Variants in FAM210B observed in about 807,000 individuals in gnomAD.
The protein encoded by FAM210B is mitochondrial inner membrane scaffold 2.
A neutral mutation model predicts 14.9 loss-of-function variants in FAM210B; 11 were observed. That is an observed-to-expected ratio of 0.74 (90% confidence interval 0.46 to 1.22). The LOEUF is 1.22. Ranked by LOEUF, FAM210B falls within the 50% of genes most tolerant of loss-of-function variation. FAM210B has a pLI of 0.00. For synonymous variants in FAM210B, 113 were observed against 110.2 expected (o/e 1.03, Z -0.16); for missense variants, 229 against 250.1 (o/e 0.92, Z 0.57).
rs1175417338 is a variant in FAM210B at position 56,359,093 on chromosome 20, G to A, written c.88G>A (p.Ala30Thr). 34 of 1,336,982 alleles carry A rather than the reference G, an allele frequency of 2.5e-5. No homozygotes were observed. Among genetic ancestry groups the A allele is most frequent in the Non-Finnish European group, 3.1e-5 (32 of 1,042,438 alleles). 82.8% of individuals were successfully genotyped at this position (1,336,982 alleles called of 1,614,324 possible). The change falls in exon 1 of 3, where the codon GCC becomes ACC. Residue 30 changes from alanine (A) to threonine (T), a missense_variant. Around this residue, in one of 3 missense-constraint regions of FAM210B, gnomAD observed 144 missense variants for 132.5 expected, o/e 1.09. Transcript: ENST00000371384. This position sits in a 1 kb window ranked among gnomAD's most constrained non-coding sequence, Gnocchi z 4.3. ...PRATWLLGAT[A>T]PCAPPPLALA... ...CGCCACCTGGCTCCTGGGCGCCACCGCCCCCTGCGCCCCGCCGCCCCTGGC... is the reference window on the plus strand; with the variant it reads ...CGCCACCTGGCTCCTGGGCGCCACCACCCCCTGCGCCCCGCCGCCCCTGGC...
rs1395455721 is a variant in FAM210B at position 56,359,169 on chromosome 20, G to T, written c.164G>T (p.Arg55Leu). The T allele has an allele frequency of 1.9e-5, 23 of 1,238,164 alleles. No homozygotes were observed. The East Asian group carries it at 7.3e-4, about 40-fold the overall frequency. The allele number at this position is 1,238,164 out of a possible 1,614,324, so 76.7% of individuals were successfully genotyped here. ...GACGCCCGGCTGCTCCGCACGGCGC[G>T]CGGGGACTGCCGCGGCCACCAGGTA... is the stretch of plus-strand genomic sequence containing the variant. ...RLDARLLRTA[R>L]GDCRGHQDPS... is the part of the protein sequence containing the mutation. Residue 55 changes from arginine (R) to leucine (L), a missense_variant, in exon 1 of 3, where the codon CGC becomes CTC. Arg to Leu is a moderately radical substitution (Grantham distance 102, BLOSUM62 -2). This residue lies in a region of FAM210B where 144 missense variants were observed against 132.5 expected (regional missense o/e 1.09). Coordinates refer to ENST00000371384, the MANE Select transcript of FAM210B (RefSeq NM_080821.3). The surrounding 1 kb of genome is among the most constrained non-coding windows in gnomAD (Gnocchi z 4.3).
At chr20:56,360,035 G>A (rs1983500385) in intron 1 of FAM210B, 15 of 353,902 alleles carry the variant, frequency 4.2e-5, no homozygotes, top group South Asian at 3.1e-4. Context: ...AACTCCATGA[G>A]CTGGTGCAGG....
In FAM210B at chr20:56,365,989, TAC is replaced by T; in HGVS notation, c.363-81_363-80del. The T allele has an allele frequency of 2.2e-6, 2 of 908,112 alleles. 1 individual carries two copies. Among genetic ancestry groups the T allele is most frequent in the Non-Finnish European group, 3.2e-6 (2 of 633,322 alleles). The allele number at this position is 908,112 out of a possible 1,614,324, so 56.3% of individuals were successfully genotyped here. On this transcript the variant is annotated intron_variant, in intron 2 of 2. Coordinates refer to ENST00000371384, the MANE Select transcript of FAM210B (RefSeq NM_080821.3). Reference sequence around the variant, plus strand: ...AGCTACTTCATTACATTTTTTAAAATACTGTAAATCTTATAGCCAAATCAATT... The same window carrying T: ...AGCTACTTCATTACATTTTTTAAAATTGTAAATCTTATAGCCAAATCAATT...
At position 56,366,212 on chromosome 20, in the gene FAM210B, G is replaced by A. The variant is rs6099116; in HGVS notation, c.504G>A (p.Thr168=). ...KLFAPVRISI[T]LVSVPLIVRY... is the part of the protein sequence containing the mutation. ...TTGCGCCAGTGAGAATCAGCATTAC[G>A]CTAGTCTCTGTGCCCTTGATTGTCA... Residue 168 remains threonine (T), a synonymous_variant, in exon 3 of 3, where the codon ACG becomes ACA. Transcript: ENST00000371384. 0.024 allele frequency: 39,248 copies of A among 1,613,986 alleles called. 4,545 individuals carry two copies. In the African/African-American group the frequency reaches 0.34, roughly 14 times the overall value.
At position 56,366,393 on chromosome 20, in the gene FAM210B, G is replaced by A. The variant is rs963772243; in HGVS notation, c.*106G>A. The A allele has an allele frequency of 1.1e-5, 11 of 1,023,792 alleles. No individual in the cohort carries two copies. Among genetic ancestry groups the A allele is most frequent in the Non-Finnish European group, 1.6e-5 (11 of 692,104 alleles). The allele number at this position is 1,023,792 out of a possible 1,614,324, so 63.4% of individuals were successfully genotyped here. A position where few individuals can be genotyped will look rare whatever the true frequency, so the allele number is the denominator to read the frequency against. On this transcript the variant is annotated 3_prime_UTR_variant, in exon 3 of 3. Transcript: ENST00000371384. ...TAGGGTTTCTTTTGGAGAGGTAGGG[G>A]GCTAATTGCTATGTTCTCATGGATA... is the stretch of plus-strand genomic sequence containing the variant.
Position 56,366,456 on chromosome 20 carries a change from A to G in FAM210B, c.*169A>G, listed in dbSNP as rs1351635773. ...AAAAATCAGGCTTTTGAACAATTTT[A>G]ATTTTTTGCCTCATAAATTTTGTGA... is the stretch of plus-strand genomic sequence containing the variant. On this transcript the variant is annotated 3_prime_UTR_variant, in exon 3 of 3. Coordinates refer to ENST00000371384, the MANE Select transcript of FAM210B (RefSeq NM_080821.3). 5 of 645,524 alleles carry G rather than the reference A, an allele frequency of 7.7e-6. No individual in the cohort carries two copies. In the African/African-American group the frequency reaches 9.2e-5, roughly 12 times the overall value. The allele number at this position is 645,524 out of a possible 1,614,324, so 40.0% of individuals were successfully genotyped here.
intron 1 of FAM210B, among the ~76,000 whole-genome samples, chr20:56,361,112 G>A (rs759920526): frequency 3.3e-5 from 5 of 152,114 alleles, no homozygotes; most frequent in Non-Finnish European, 7.4e-5. Flanking sequence ...TAGCAGCCCC[G>A]CCTGCCTGTG....
At chr20:56,360,256 A>T (rs1431321160) in intron 1 of FAM210B, 1 of 469,984 alleles carries the variant, frequency 2.1e-6, no homozygotes, top group Non-Finnish European at 4.4e-6. Flanking sequence ...CCGCCTCCTG[A>T]TGATTCTTCA....
At position 56,359,242 on chromosome 20, in the gene FAM210B, C is replaced by T; in HGVS notation, c.186+51C>T. On this transcript the variant is annotated intron_variant, in intron 1 of 2. Transcript: ENST00000371384. The surrounding 1 kb of genome is among the most constrained non-coding windows in gnomAD (Gnocchi z 4.3). ...CCCGGGCGGTGTCCAGGTCCCCAGA[C>T]GTCCGCAGGGCCGCGCCGGGGTCCG... 1 of 1,216,672 alleles carries T rather than the reference C, an allele frequency of 8.2e-7. No individual in the cohort carries two copies. Among genetic ancestry groups the T allele is most frequent in the Non-Finnish European group, 1.0e-6 (1 of 978,744 alleles). 75.4% of individuals were successfully genotyped at this position (1,216,672 alleles called of 1,614,324 possible).
Position 56,359,487 on chromosome 20 carries a change from A to G in FAM210B, c.186+296A>G, listed in dbSNP as rs1047980515. ...CCTCAGCCAGGCTGGGGCGCAGCCGACTGACTTGGTCTGAACTTCCACACG... is the reference window on the plus strand; with the variant it reads ...CCTCAGCCAGGCTGGGGCGCAGCCGGCTGACTTGGTCTGAACTTCCACACG... On this transcript the variant is annotated intron_variant, in intron 1 of 2. Transcript: ENST00000371384. The surrounding 1 kb of genome is among the most constrained non-coding windows in gnomAD (Gnocchi z 4.3). 2.6e-5 allele frequency among the ~76,000 whole-genome samples: 4 copies of G among 152,200 alleles called. No homozygotes were observed. Among genetic ancestry groups the G allele is most frequent in the Non-Finnish European group, 2.9e-5 (2 of 68,038 alleles).
Position 56,366,158 on chromosome 20 carries a change from C to T in FAM210B, c.450C>T (p.Phe150=), listed in dbSNP as rs143264346. ...AAATGGCAGCAGGCACAAGTACCTT[C>T]GTGGTGGCCTATGCAATCCACAAGC... is the stretch of plus-strand genomic sequence containing the variant. The part of the protein sequence containing the change: ...QSKMAAGTST[F]VVAYAIHKLF... The change falls in exon 3 of 3, where the codon TTC becomes TTT. Residue 150 remains phenylalanine (F), a synonymous_variant. Transcript: ENST00000371384. 1.5e-5 allele frequency: 25 copies of T among 1,614,174 alleles called. No homozygotes were observed. The African/African-American group carries it at 2.8e-4, about 18-fold the overall frequency.
At position 56,366,986 on chromosome 20, in the gene FAM210B, C is replaced by T. The variant is rs1983649784; in HGVS notation, c.*699C>T. The stretch of plus-strand genomic sequence containing the variant: ...GTTTAGGTAAAATATAAAAACCCTG[C>T]CCAGTAGCAGTGGCATCGCTTGGTT... On this transcript the variant is annotated 3_prime_UTR_variant, in exon 3 of 3. Coordinates refer to ENST00000371384, the MANE Select transcript of FAM210B (RefSeq NM_080821.3). 3.9e-5 allele frequency: 6 copies of T among 152,376 alleles called. No individual in the cohort carries two copies. Among genetic ancestry groups the T allele is most frequent in the Admixed American group, 3.9e-4 (6 of 15,276 alleles). 9.4% of individuals were successfully genotyped at this position (152,376 alleles called of 1,614,324 possible). A position where few individuals can be genotyped will look rare whatever the true frequency, so the allele number is the denominator to read the frequency against.
chr20:56,366,165 G>T lies in FAM210B; in HGVS notation c.457G>T (p.Ala153Ser). Residue 153 changes from alanine to serine, a missense_variant, in exon 3 of 3, where the codon GCC becomes TCC. This residue lies in a region of FAM210B where 53 missense variants were observed against 55.4 expected (regional missense o/e 0.96). Transcript: ENST00000371384. ...MAAGTSTFVV[A>S]YAIHKLFAPV... is the part of the protein sequence containing the mutation. ...AGCAGGCACAAGTACCTTCGTGGTG[G>T]CCTATGCAATCCACAAGCTGTTTGC... 1 of 1,614,164 alleles carries T rather than the reference G, an allele frequency of 6.2e-7. No homozygotes were observed. The highest frequency in any genetic ancestry group is 8.5e-7 in the Non-Finnish European group (1 of 1,180,026).
In FAM210B at chr20:56,363,993, G is replaced by A. The variant is rs1451053178; in HGVS notation, c.187-1094G>A. On this transcript the variant is annotated intron_variant, in intron 1 of 2. Coordinates refer to ENST00000371384, the MANE Select transcript of FAM210B (RefSeq NM_080821.3). The surrounding 1 kb of genome is among the most constrained non-coding windows in gnomAD (Gnocchi z 4.1). ...CCTGTGTTGCTCCTTTGCAAAGTGG[G>A]AAAAGCAGTAGTATCTACCTCTGAA... Among the ~76,000 whole-genome samples, 6 of 152,168 alleles carry A rather than the reference G, an allele frequency of 3.9e-5. No homozygotes were observed. The highest frequency in any genetic ancestry group is 4.8e-5 in the African/African-American group (2 of 41,446).
Position 56,366,555 on chromosome 20 carries a change from A to G in FAM210B, c.*268A>G. On this transcript the variant is annotated 3_prime_UTR_variant, in exon 3 of 3. Transcript: ENST00000371384. ...GCATCGGAGATGGGTTAACATCTCA[A>G]AACAAAATAGCCTACAAATGTTCCT... The G allele has an allele frequency of 2.7e-6, 1 of 368,650 alleles. No homozygotes were observed. The highest frequency in any genetic ancestry group is 4.9e-6 in the Non-Finnish European group (1 of 203,472). The allele number at this position is 368,650 out of a possible 1,614,324, so 22.8% of individuals were successfully genotyped here.
At position 56,360,301 on chromosome 20, in the gene FAM210B, C is replaced by T. The variant is rs80084881; in HGVS notation, c.186+1110C>T. 671 of 464,596 alleles carry T rather than the reference C, an allele frequency of 1.4e-3. 5 individuals are homozygous for T. The highest frequency in any genetic ancestry group is 0.012 in the African/African-American group (613 of 50,172). The allele number at this position is 464,596 out of a possible 1,614,324, so 28.8% of individuals were successfully genotyped here. On this transcript the variant is annotated intron_variant, in intron 1 of 2. Coordinates refer to ENST00000371384, the MANE Select transcript of FAM210B (RefSeq NM_080821.3). The stretch of plus-strand genomic sequence containing the variant: ...CCAGCTGTTCCTTCCTCCGGGAAGC[C>T]CTCTCTAACGACCTGTGAGGTCTCG...
intron 1 of FAM210B, chr20:56,360,417 T>C (rs527237804): frequency 2.2e-5 from 8 of 357,104 alleles, no homozygotes; most frequent in African/African-American, 1.1e-4. Context: ...GTCAGCCACA[T>C]TGACCTTGTC....
rs1983591469 is a variant in FAM210B, at chr20:56,364,521, C to T, written c.187-566C>T. Reference sequence around the variant, plus strand: ...CTCCCTATCTCAAGACCCTTAATCACATCTGCAAAGTTCTTCTGCCATGTA... The same window carrying T: ...CTCCCTATCTCAAGACCCTTAATCATATCTGCAAAGTTCTTCTGCCATGTA... On this transcript the variant is annotated intron_variant, in intron 1 of 2. Coordinates refer to ENST00000371384, the MANE Select transcript of FAM210B (RefSeq NM_080821.3). 2.0e-5 allele frequency among the ~76,000 whole-genome samples: 3 copies of T among 152,206 alleles called. No homozygotes were observed. In the South Asian group the frequency reaches 6.2e-4, roughly 32 times the overall value.
rs911591419 is a variant in FAM210B, at chr20:56,359,400, G to A, written c.186+209G>A. 6.6e-6 allele frequency among the ~76,000 whole-genome samples: 1 copy of A among 152,252 alleles called. No individual in the cohort carries two copies. The highest frequency in any genetic ancestry group is 6.5e-5 in the Admixed American group (1 of 15,288). On this transcript the variant is annotated intron_variant, in intron 1 of 2. Transcript: ENST00000371384. This position sits in a 1 kb window ranked among gnomAD's most constrained non-coding sequence, Gnocchi z 4.3. ...TTGACAGCCAGAGAAACTGAGGCTC[G>A]GGAAGGTGTGGCGCTCTGCCCAAGG...
Sources: allele counts gnomAD v4.1 joint callset (sites outside exome capture counted in the v4.1 genomes callset), GRCh38; gene constraint gnomAD v4.1.1; regional missense constraint gnomAD v4.1.1; non-coding constraint Gnocchi (gnomAD v3.1); transcripts MANE v1.5; gene names NCBI Gene and HGNC (gene_info 2026-07-23, HGNC 2026-07-21).